The following TMCO5A variants were observed in gnomAD, a reference collection of about 807,000 sequenced individuals.
TMCO5A encodes transmembrane and coiled-coil domain-containing protein 5A.
A neutral mutation model predicts 42.3 loss-of-function variants in TMCO5A; 34 were observed. That is an observed-to-expected ratio of 0.80 (90% CI 0.61 to 1.07). The LOEUF is 1.07. TMCO5A is among the 50% of genes least tolerant of loss of function. TMCO5A has a pLI of 0.00. For synonymous variants in TMCO5A, 131 were observed against 115.6 expected, an observed-to-expected ratio of 1.13 and a Z score of -0.86; for missense variants, 357 against 327.9, an observed-to-expected ratio of 1.09 and a Z score of -0.69.
At chr15:37,967,605 T>G (rs2140826272) in exon 12 of TMCO5A, 1 of 152,314 alleles carries the variant, frequency 6.6e-6, no homozygotes, top group South Asian at 2.1e-4. Flanking sequence ...AAATTCTACC[T>G]ATTAGCTTAG....
chr15:37,979,423 AG>A, the TMCO5A span, among the ~76,000 whole-genome samples: 1 of 152,214 alleles, frequency 6.6e-6, no homozygotes, highest in Non-Finnish European at 1.5e-5. Context: ...AGAATGTGGT[AG>A]GCTCCCATTT....
chr15:38,002,940 G>T, the TMCO5A span, among the ~76,000 whole-genome samples: 1 of 152,130 alleles, frequency 6.6e-6, no homozygotes, highest in South Asian at 2.1e-4. Context: ...GGATGTTGAA[G>T]AGTTAGGTAT....
chr15:38,036,032 TC>T, the TMCO5A span, among the ~76,000 whole-genome samples: 1 of 152,080 alleles, frequency 6.6e-6, no homozygotes, highest in East Asian at 1.9e-4. Flanking sequence ...GCCAAATGGG[TC>T]TCCCAAGGTG....
At chr15:37,969,050 G>A (rs1890623518), downstream of TMCO5A, among the ~76,000 whole-genome samples, 1 of 152,180 alleles carries the variant, frequency 6.6e-6, no homozygotes, top group Admixed American at 6.5e-5. Context: ...GAGAAGGTGG[G>A]AAGGAGAGAC....
intron 10 of TMCO5A, chr15:37,944,035 G>A (rs1186064561): frequency 6.6e-6 from 1 of 152,048 alleles, no homozygotes; most frequent in Non-Finnish European, 1.5e-5. Context: ...CTTTGGTTGG[G>A]CTTTAATTTT....
rs1469640388 is a variant in TMCO5A at position 37,936,964 on chromosome 15, C to A, written c.258C>A (p.Ala86=). ...RALQELEEET[A]RLERKNKTLV... is the part of the protein sequence containing the mutation. ...TGCAGGAGCTGGAGGAAGAAACAGC[C>A]AGACTTGTAAGCAAGAAGTTGGGAA... Residue 86 remains alanine (A), a synonymous_variant, in exon 4 of 12, where the codon GCC becomes GCA. Coordinates refer to ENST00000319669, the MANE Select transcript of TMCO5A (RefSeq NM_152453.4). The A allele has an allele frequency of 3.7e-6, 6 of 1,612,150 alleles. No individual in the cohort carries two copies. Among genetic ancestry groups the A allele is most frequent in the Non-Finnish European group, 5.1e-6 (6 of 1,178,862 alleles).
At chr15:37,993,136 T>C in the TMCO5A span, among the ~76,000 whole-genome samples, 1 of 152,200 alleles carries the variant, frequency 6.6e-6, no homozygotes, top group African/African-American at 2.4e-5. Context: ...TTGTGTTTAC[T>C]TTTTCTAGAT....
chr15:37,975,230 G>A, the TMCO5A span, among the ~76,000 whole-genome samples: 1 of 152,178 alleles, frequency 6.6e-6, no homozygotes, highest in Non-Finnish European at 1.5e-5. Flanking sequence ...TTTGGATAGA[G>A]AGTTCTGTTA....
chr15:37,969,941 G>T (rs1890644026), downstream of TMCO5A, among the ~76,000 whole-genome samples: 1 of 152,138 alleles, frequency 6.6e-6, no homozygotes, highest in Admixed American at 6.5e-5. Flanking sequence ...CATTTAGGTT[G>T]ATTCCATGTC....
the TMCO5A span, among the ~76,000 whole-genome samples, chr15:37,991,442 G>A: frequency 6.6e-6 from 1 of 152,004 alleles, no homozygotes; most frequent in South Asian, 2.1e-4. Flanking sequence ...GCCTCTTTGA[G>A]TTCCTACTAG....
At chr15:37,974,290 G>A in the TMCO5A span, among the ~76,000 whole-genome samples, 7 of 152,094 alleles carry the variant, frequency 4.6e-5, no homozygotes, top group Non-Finnish European at 8.8e-5. Flanking sequence ...AGTTAGGGAG[G>A]AGTCCCTTCT....
At chr15:37,987,641 G>A in the TMCO5A span, among the ~76,000 whole-genome samples, 3 of 151,850 alleles carry the variant, frequency 2.0e-5, no homozygotes, top group Non-Finnish European at 4.4e-5. Flanking sequence ...CCAGTGAATT[G>A]TCTTGGCACA....
At chr15:37,947,587 T>A (rs1351258629) in intron 10 of TMCO5A, 69 bp from the exon 11 acceptor site, 1 of 1,014,182 alleles carries the variant, frequency 9.9e-7, no homozygotes, top group East Asian at 2.4e-5. Flanking sequence ...AATGGCTCAC[T>A]AAATATTATT....
chr15:37,991,274 C>G, the TMCO5A span, among the ~76,000 whole-genome samples: 1 of 152,080 alleles, frequency 6.6e-6, no homozygotes, highest in Non-Finnish European at 1.5e-5. Context: ...TACAGGACTC[C>G]TTTTAGTTTT....
At chr15:37,981,290 G>A in the TMCO5A span, among the ~76,000 whole-genome samples, 2 of 151,324 alleles carry the variant, frequency 1.3e-5, no homozygotes, top group Admixed American at 6.6e-5. Context: ...TACCGTAGAA[G>A]GAGATTCAGT....
intron 10 of TMCO5A, among the ~76,000 whole-genome samples, chr15:37,946,299 T>C (rs904082817): frequency 6.6e-6 from 1 of 152,218 alleles, no homozygotes; most frequent in Non-Finnish European, 1.5e-5. Flanking sequence ...GGTAGCGTGA[T>C]GACTCTAGCT....
chr15:37,952,032 T>C (rs997038193), downstream of TMCO5A, among the ~76,000 whole-genome samples: 1 of 152,184 alleles, frequency 6.6e-6, no homozygotes, highest in African/African-American at 2.4e-5. Flanking sequence ...CAAACTCACC[T>C]GACACCTGCC....
chr15:37,962,109 C>A (rs759245947), intron 11 of TMCO5A, among the ~76,000 whole-genome samples: 4 of 152,114 alleles, frequency 2.6e-5, no homozygotes, highest in Non-Finnish European at 5.9e-5. Context: ...GCATCCTTCT[C>A]TTATTCCAGT....
chr15:38,003,748 C>T, the TMCO5A span, among the ~76,000 whole-genome samples: 33 of 152,072 alleles, frequency 2.2e-4, no homozygotes, highest in Middle Eastern at 6.8e-3. Flanking sequence ...ACTCTTCAGT[C>T]AGCTTGTGGT....
Sources: gnomAD v4.1 joint callset for allele counts (sites outside exome capture counted in the v4.1 genomes callset) on GRCh38, gnomAD v4.1.1 for gene constraint, MANE v1.5 for transcripts, NCBI Gene and HGNC (gene_info 2026-07-23, HGNC 2026-07-21) for gene names.